The following RP1 variants were observed in gnomAD, a reference collection of about 807,000 sequenced individuals.
RP1 encodes the protein oxygen-regulated protein 1.
Under a neutral mutation model 14.8 loss-of-function variants are expected in RP1, and 16 were observed. The ratio of observed to expected loss-of-function variants is 1.08; its 90% CI spans 0.73 to 1.65. The LOEUF is 1.65. RP1 is among the 40% of genes most tolerant of loss of function. RP1 has a pLI of 0.00. For missense variants in RP1, 2,631 were observed against 2,535.0 expected (o/e 1.04, Z -0.81); for synonymous variants, 876 against 883.6 (o/e 0.99, Z 0.15).
At chr8:54,729,372 G>A (rs894872733) in intron 17 of RP1, among the ~76,000 whole-genome samples, 1 of 152,086 alleles carries the variant, frequency 6.6e-6, no homozygotes, top group Non-Finnish European at 1.5e-5. Flanking sequence ...CTCAGCCATG[G>A]CATTTTCTTT....
chr8:54,657,803 G>A (rs1025261077), intron 6 of RP1, among the ~76,000 whole-genome samples: 1 of 152,126 alleles, frequency 6.6e-6, no homozygotes, highest in East Asian at 1.9e-4. Flanking sequence ...AAAAAAATTT[G>A]TTGTAATTAT....
chr8:54,577,402 G>A (rs1256666715), intron 1 of RP1, among the ~76,000 whole-genome samples: 3 of 152,118 alleles, frequency 2.0e-5, no homozygotes, highest in African/African-American at 7.2e-5. Context: ...ATTTATTTGT[G>A]ATTTATATGT....
Position 54,605,344 on chromosome 8 carries a change from C to T in RP1, c.-12-15611C>T, listed in dbSNP as rs866922825. Among the ~76,000 whole-genome samples the T allele has an allele frequency of 1.1e-4, 16 of 152,212 alleles. 1 individual carries two copies. Among genetic ancestry groups the T allele is most frequent in the African/African-American group, 2.6e-4 (11 of 41,530 alleles). ...GTTGTTCAATTTCCATGTAGTTGAG[C>T]GGTTTTGAGTGAGTTTCTTAATCCT... is the stretch of plus-strand genomic sequence containing the variant. On this transcript the variant is annotated intron_variant, in intron 1 of 22. Transcript: ENST00000636932.
intron 24 of RP1, among the ~76,000 whole-genome samples, chr8:54,814,517 T>C (rs538289915): frequency 6.4e-4 from 98 of 152,342 alleles, no homozygotes; most frequent in Middle Eastern, 3.4e-3. Flanking sequence ...GATGTTTTCT[T>C]AGAGTTCACT....
chr8:54,697,239 C>T, intron 12 of RP1: 2 of 621,764 alleles, frequency 3.2e-6, no homozygotes, highest in Non-Finnish European at 5.7e-6. Context: ...TCTTCAAAAA[C>T]TGGAAAGGAA....
chr8:54,858,465 G>C (rs1026571184), intron 27 of RP1, among the ~76,000 whole-genome samples: 1 of 152,110 alleles, frequency 6.6e-6, no homozygotes, highest in African/African-American at 2.4e-5. Context: ...CCACTGTAGA[G>C]CACTGTCACT....
intron 1 of RP1, among the ~76,000 whole-genome samples, chr8:54,589,137 T>G (rs1804991737): frequency 6.6e-6 from 1 of 152,208 alleles, no homozygotes; most frequent in African/African-American, 2.4e-5. Flanking sequence ...AGGCCCTCTG[T>G]AAATCGTTGA....
At chr8:54,648,890 A>C in intron 3 of RP1, 1 of 823,906 alleles carries the variant, frequency 1.2e-6, no homozygotes. Flanking sequence ...AGTTTTGTCT[A>C]TCCTGAACTC....
At chr8:54,870,886 CG>C (rs1410291582) in exon 29 of RP1, 2 of 152,046 alleles carry the variant, frequency 1.3e-5, no homozygotes, top group Middle Eastern at 3.4e-3. Context: ...GCAGGAGAGC[CG>C]GGATGTGACC....
chr8:54,704,214 G>T (rs1808096410), intron 14 of RP1, among the ~76,000 whole-genome samples: 1 of 152,108 alleles, frequency 6.6e-6, no homozygotes, highest in South Asian at 2.1e-4. Context: ...GTCATTTCTA[G>T]CTTTTGATTT....
chr8:54,764,424 A>C (rs945122591), intron 22 of RP1, among the ~76,000 whole-genome samples: 4 of 152,178 alleles, frequency 2.6e-5, no homozygotes, highest in African/African-American at 9.7e-5. Context: ...TTTACTGGTG[A>C]GTTGACAAAA....
chr8:54,832,428 T>G (rs1342396744), intron 24 of RP1, among the ~76,000 whole-genome samples: 1 of 151,864 alleles, frequency 6.6e-6, no homozygotes, highest in Non-Finnish European at 1.5e-5. Context: ...TAATTATTAT[T>G]TCACTTATTG....
chr8:54,804,371 C>T (rs926964857), intron 24 of RP1, among the ~76,000 whole-genome samples: 1 of 152,098 alleles, frequency 6.6e-6, no homozygotes, highest in Non-Finnish European at 1.5e-5. Context: ...TAAGGCCCAC[C>T]ATTAAGGTTT....
intron 15 of RP1, among the ~76,000 whole-genome samples, chr8:54,715,776 G>A (rs945409851): frequency 6.6e-5 from 10 of 152,212 alleles, no homozygotes; most frequent in African/African-American, 1.9e-4. Context: ...AGAGTTAACA[G>A]ATACTGAGTT....
At chr8:54,710,477 C>T (rs865831694) in intron 15 of RP1, among the ~76,000 whole-genome samples, 15 of 152,160 alleles carry the variant, frequency 9.9e-5, no homozygotes, top group South Asian at 4.1e-4. Flanking sequence ...CCCTTTGCCT[C>T]GTTGTGTAGG....
chr8:54,589,530 A>G (rs891282636), intron 1 of RP1, among the ~76,000 whole-genome samples: 1 of 152,172 alleles, frequency 6.6e-6, no homozygotes, highest in African/African-American at 2.4e-5. Flanking sequence ...GCACAGGTCC[A>G]CATGTCTGAA....
chr8:54,739,084 A>G, intron 19 of RP1: 4 of 1,291,270 alleles, frequency 3.1e-6, no homozygotes, highest in Non-Finnish European at 4.3e-6. Context: ...AAAAGAAGCA[A>G]GCTGGCTATG....
At chr8:54,728,852 A>G in intron 17 of RP1, among the ~76,000 whole-genome samples, 1 of 152,130 alleles carries the variant, frequency 6.6e-6, no homozygotes, top group East Asian at 1.9e-4. Context: ...GAGATAATGG[A>G]CAAATGAACC....
At chr8:54,720,067 G>A in intron 15 of RP1, 1 of 1,287,708 alleles carries the variant, frequency 7.8e-7, no homozygotes, top group Non-Finnish European at 1.0e-6. Flanking sequence ...AAAACGACTG[G>A]TTTTAAATTC....
Sources: gnomAD v4.1 joint callset for allele counts (sites outside exome capture counted in the v4.1 genomes callset) on GRCh38, gnomAD v4.1.1 for gene constraint, MANE v1.5 for transcripts, NCBI Gene and HGNC (gene_info 2026-07-23, HGNC 2026-07-21) for gene names.